Variants in CIZ1 observed in about 807,000 individuals in gnomAD.
The protein encoded by CIZ1 is CDKN1A interacting zinc finger protein 1.
CIZ1 carries 58 observed loss-of-function variants against 118.6 expected under a neutral mutation model. That is an observed-to-expected ratio of 0.49 (90% CI 0.40 to 0.61). CIZ1 has a LOEUF of 0.61. Ranked by LOEUF, CIZ1 falls within the 20% of genes least tolerant of loss-of-function variation. The pLI, the probability that CIZ1 is intolerant of heterozygous loss-of-function variation, is 0.00. For synonymous variants in CIZ1, 448 were observed against 443.4 expected (o/e 1.01, Z -0.13); for missense variants, 921 against 1,115.9 (o/e 0.83, Z 2.49).
At chr9:128,189,250 T>C (rs1478061094) in intron 3 of CIZ1, among the ~76,000 whole-genome samples, 1 of 152,112 alleles carries the variant, frequency 6.6e-6, no homozygotes, top group Admixed American at 6.5e-5. Flanking sequence ...GGGTGTAATG[T>C]TTTAAATGGG....
intron 5 of CIZ1, among the ~76,000 whole-genome samples, chr9:128,181,390 T>G (rs1005668052): frequency 6.6e-6 from 1 of 152,334 alleles, no homozygotes; most frequent in Admixed American, 6.5e-5. Context: ...CACGAGCTGT[T>G]CCAGTATAAT....
In CIZ1 at chr9:128,203,410, G is replaced by A. The variant is rs888680935; in HGVS notation, c.-6+776C>T. On this transcript the variant is annotated intron_variant, in intron 1 of 17. Transcript: ENST00000372948. This position sits in a 1 kb window ranked among gnomAD's most constrained non-coding sequence, Gnocchi z 5.3. Reference sequence around the variant, plus strand: ...GGCGCGCGGCTGCAGCGGCGGAGCCGGAGTCGGAGCCGGGAGCGCTAGCGG... The same window carrying A: ...GGCGCGCGGCTGCAGCGGCGGAGCCAGAGTCGGAGCCGGGAGCGCTAGCGG... 6 of 1,354,748 alleles carry A rather than the reference G, an allele frequency of 4.4e-6. No individual in the cohort carries two copies. The highest frequency in any genetic ancestry group is 5.7e-6 in the Non-Finnish European group (6 of 1,051,862). The allele number at this position is 1,354,748 out of a possible 1,614,324, so 83.9% of individuals were successfully genotyped here.
chr9:128,168,937 T>C (rs1829783871), intron 14 of CIZ1, 115 bp downstream of exon 14: 1 of 1,415,024 alleles, frequency 7.1e-7, no homozygotes, highest in African/African-American at 1.4e-5. Context: ...AGTTGTGGCA[T>C]GCATTAGTGC....
Position 128,191,358 on chromosome 9 carries a change from G to T in CIZ1, c.-6+74C>A. 1 of 403,496 alleles carries T rather than the reference G, an allele frequency of 2.5e-6. No homozygotes were observed. The highest frequency in any genetic ancestry group is 3.4e-6 in the Non-Finnish European group (1 of 295,912). 25.0% of individuals were successfully genotyped at this position (403,496 alleles called of 1,614,324 possible). On this transcript the variant is annotated intron_variant, in intron 1 of 16. Coordinates refer to ENST00000372938, the MANE Select transcript of CIZ1 (RefSeq NM_001131016.2). This position sits in a 1 kb window ranked among gnomAD's most constrained non-coding sequence, Gnocchi z 5.5. ...GCCCCACTCCGCCCGCTCCCACCCCGCCAGCCGCCTCCTCCGCAGACACAG... is the reference window on the plus strand; with the variant it reads ...GCCCCACTCCGCCCGCTCCCACCCCTCCAGCCGCCTCCTCCGCAGACACAG...
intron 10 of CIZ1, 113 bp from the exon 11 acceptor site, chr9:128,176,588 AC>A: frequency 9.2e-7 from 1 of 1,083,322 alleles, no homozygotes; most frequent in Non-Finnish European, 1.3e-6. Flanking sequence ...CATTTCTCTC[AC>A]CACACATTTC....
chr9:128,177,541 C>CCCCCCCAAAAAA, intron 10 of CIZ1, 25 bp downstream of exon 10: 5 of 1,228,106 alleles, frequency 4.1e-6, no homozygotes, highest in East Asian at 2.8e-5. Flanking sequence ...CCACCCCTCC[C>CCCCCCCAAAAAA]CACCCTTATC....
intron 8 of CIZ1, 21 bp downstream of exon 8, chr9:128,178,688 T>C: frequency 6.2e-7 from 1 of 1,605,534 alleles, no homozygotes; most frequent in Non-Finnish European, 8.5e-7. Flanking sequence ...CCAGACCAGC[T>C]GGGAGCCAGT....
At chr9:128,178,290 TG>T in intron 9 of CIZ1, 78 bp downstream of exon 9, 1 of 1,488,104 alleles carries the variant, frequency 6.7e-7, no homozygotes, top group East Asian at 2.3e-5. Flanking sequence ...GGCCCTGAGG[TG>T]GCCTGGGGCA....
chr9:128,181,681 C>T (rs567252624), intron 5 of CIZ1, among the ~76,000 whole-genome samples: 169 of 151,520 alleles, frequency 1.1e-3, no homozygotes, highest in Non-Finnish European at 1.6e-3. Flanking sequence ...TCTGGGAAGA[C>T]GCCCGTTACC....
chr9:128,176,355 C>T lies in CIZ1; in HGVS notation c.1939G>A (p.Asp647Asn). 6.2e-7 allele frequency: 1 copy of T among 1,613,898 alleles called. No individual in the cohort carries two copies. Among genetic ancestry groups the T allele is most frequent in the Non-Finnish European group, 8.5e-7 (1 of 1,179,868 alleles). Residue 647 changes from aspartate to asparagine, a missense_variant, in exon 11 of 17, where the codon GAT becomes AAT. By Grantham distance (23) the Asp-to-Asn change is conservative. Transcript: ENST00000372938. ...PVPRDVLETE[D>N]EEPPPRRWCN... ...CTTCCACGATCCCCCACTCACTCAT[C>T]CTCTGTCTCCAGGACGTCCCGGGGC...
chr9:128,174,016 CAAA>C lies in CIZ1; in HGVS notation c.1943+2332_1943+2334del, dbSNP rs372807194. Among the ~76,000 whole-genome samples, 239 of 73,284 alleles carry C rather than the reference CAAA, an allele frequency of 3.3e-3. 1 individual carries two copies. Among genetic ancestry groups the C allele is most frequent in the African/African-American group, 8.4e-3 (225 of 26,684 alleles). 48.1% of individuals were successfully genotyped at this position (73,284 alleles called of 152,430 possible). On this transcript the variant is annotated intron_variant, in intron 11 of 16. Transcript: ENST00000372938. ...GCGAGACTCCATCTCAAAAACAAAACAAAAAAACAAAAAAAAAAAACAAAGAAA... is the reference window on the plus strand; with the variant it reads ...GCGAGACTCCATCTCAAAAACAAAACAAAACAAAAAAAAAAAACAAAGAAA...
intron 5 of CIZ1, among the ~76,000 whole-genome samples, chr9:128,182,172 T>C (rs1191707334): frequency 6.6e-6 from 1 of 152,198 alleles, no homozygotes; most frequent in Non-Finnish European, 1.5e-5. Context: ...TTCTGCCTTG[T>C]ATCCAATAAA....
At position 128,166,419 on chromosome 9, in the gene CIZ1, G is replaced by A. The variant is rs1829425658; in HGVS notation, c.2488-13C>T. The A allele has an allele frequency of 1.3e-6, 2 of 1,511,914 alleles. No homozygotes were observed. Among genetic ancestry groups the A allele is most frequent in the Admixed American group, 2.1e-5 (1 of 48,030 alleles). 93.7% of individuals were successfully genotyped at this position (1,511,914 alleles called of 1,614,324 possible). A position where few individuals can be genotyped will look rare whatever the true frequency, so the allele number is the denominator to read the frequency against. On this transcript the variant is annotated splice_polypyrimidine_tract_variant and intron_variant, in intron 16 of 16. Coordinates refer to ENST00000372938, the MANE Select transcript of CIZ1 (RefSeq NM_001131016.2). This position sits in a 1 kb window ranked among gnomAD's most constrained non-coding sequence, Gnocchi z 4.4. ...CCGCCTTGTATTTCTGGATACAGAAGGTGCAGGTAAGGTCAGGGTCTCCTC... is the reference window on the plus strand; with the variant it reads ...CCGCCTTGTATTTCTGGATACAGAAAGTGCAGGTAAGGTCAGGGTCTCCTC...
upstream of CIZ1, among the ~76,000 whole-genome samples, chr9:128,193,867 C>T (rs1483424149): frequency 6.6e-6 from 1 of 152,150 alleles, no homozygotes; most frequent in African/African-American, 2.4e-5. Context: ...CTGGTTTCCT[C>T]CTTGGTGAAA....
At chr9:128,176,737 T>A (rs1830899762) in intron 10 of CIZ1, among the ~76,000 whole-genome samples, 1 of 152,220 alleles carries the variant, frequency 6.6e-6, no homozygotes, top group Non-Finnish European at 1.5e-5. Context: ...TCTCCAAGGC[T>A]GTGCCAGGTG....
At chr9:128,168,836 A>G in intron 14 of CIZ1, 3 of 643,316 alleles carry the variant, frequency 4.7e-6, no homozygotes, top group Non-Finnish European at 7.8e-6. Context: ...ACACAGGTCC[A>G]AATTTCAGTC....
At position 128,166,819 on chromosome 9, in the gene CIZ1, G is replaced by A. The variant is rs1392619645; in HGVS notation, c.2427C>T (p.His809=). ...YICRICHKFY[H]SNSGAQLSHC... The stretch of plus-strand genomic sequence containing the variant: ...GGGAGAGCTGTGCCCCTGAGTTGCT[G>A]TGATAGAACTTGTGGCAGATGCGGC... Residue 809 remains histidine, a synonymous_variant, in exon 16 of 17, where the codon CAC becomes CAT. Transcript: ENST00000372938. This position sits in a 1 kb window ranked among gnomAD's most constrained non-coding sequence, Gnocchi z 4.4. 3.7e-6 allele frequency: 6 copies of A among 1,614,112 alleles called. No homozygotes were observed. In the African/African-American group the frequency reaches 4.0e-5, roughly 11 times the overall value.
At position 128,179,424 on chromosome 9, in the gene CIZ1, G is replaced by A. The variant is rs1400178833; in HGVS notation, c.792-9C>T. On this transcript the variant is annotated splice_polypyrimidine_tract_variant and intron_variant, in intron 7 of 16. Transcript: ENST00000372938. The stretch of plus-strand genomic sequence containing the variant: ...CTGTGGGCTCTTCTGAGCTAGGAAG[G>A]ATCAAAAAAAAATCCCAGTCATGTC... 5 of 1,553,988 alleles carry A rather than the reference G, an allele frequency of 3.2e-6. No homozygotes were observed. Among genetic ancestry groups the A allele is most frequent in the African/African-American group, 2.8e-5 (2 of 72,206 alleles).
intron 14 of CIZ1, 29 bp downstream of exon 14, chr9:128,169,023 G>C (rs1564242686): frequency 6.2e-7 from 1 of 1,613,164 alleles, no homozygotes; most frequent in Non-Finnish European, 8.5e-7. Flanking sequence ...CCAGCACCAA[G>C]CCCGCCTCCC....
Sources: gnomAD v4.1 joint callset for allele counts (sites outside exome capture counted in the v4.1 genomes callset) on GRCh38, gnomAD v4.1.1 for gene constraint, Gnocchi (gnomAD v3.1) non-coding constraint, MANE v1.5 for transcripts, NCBI Gene and HGNC (gene_info 2026-07-23, HGNC 2026-07-21) for gene names.